Variants in RALYL observed in about 807,000 individuals in gnomAD.
RALYL encodes the protein RNA-binding Raly-like protein.
RALYL carries 29 observed loss-of-function variants against 35.1 expected under a neutral mutation model. The observed-to-expected ratio is 0.83, with a 90% CI of 0.61 to 1.13. The LOEUF (loss-of-function observed/expected upper bound fraction) is 1.13, where lower values mean the gene tolerates loss of function less well. Among genes scored for constraint, RALYL ranks in the 50% most tolerant of loss-of-function variants. The probability of loss-of-function intolerance (pLI) is 0.00; values close to 1 mark genes in which losing one functional copy is unlikely to be tolerated. For synonymous variants in RALYL, 120 were observed against 127.6 expected (o/e 0.94, Z 0.40); for missense variants, 359 against 360.4 (o/e 1.00, Z 0.03).
chr8:84,443,473 G>A lies in RALYL; in HGVS notation c.-23-85826G>A, dbSNP rs75606296. On this transcript the variant is annotated intron_variant, in intron 1 of 8. Transcript: ENST00000521268. ...TTATCAGCGAGCATTAGAGCTGATTGGATGCCTTGTCATGCAAATATGAAC... is the reference window on the plus strand; with the variant it reads ...TTATCAGCGAGCATTAGAGCTGATTAGATGCCTTGTCATGCAAATATGAAC... 3.2e-3 allele frequency among the ~76,000 whole-genome samples: 486 copies of A among 152,234 alleles called. 3 individuals are homozygous for A. The highest frequency in any genetic ancestry group is 0.011 in the African/African-American group (459 of 41,556).
At chr8:84,332,241 C>G (rs1027485877) in intron 1 of RALYL, among the ~76,000 whole-genome samples, 1 of 152,036 alleles carries the variant, frequency 6.6e-6, no homozygotes, top group African/African-American at 2.4e-5. Flanking sequence ...CTTCTTTCAG[C>G]CTTATTGGTC....
chr8:84,879,446 A>G (rs1046750101), intron 7 of RALYL, among the ~76,000 whole-genome samples: 6 of 152,164 alleles, frequency 3.9e-5, no homozygotes, highest in African/African-American at 1.4e-4. Flanking sequence ...AAAACTGAAA[A>G]TTTATTAAAT....
intron 1 of RALYL, among the ~76,000 whole-genome samples, chr8:84,190,966 G>A (rs1408920482): frequency 6.6e-6 from 1 of 151,838 alleles, no homozygotes; most frequent in African/African-American, 2.4e-5. Flanking sequence ...TATGTGGGGT[G>A]TGTGTGTGTG....
chr8:84,305,912 G>A (rs879195448), intron 1 of RALYL, among the ~76,000 whole-genome samples: 1 of 152,124 alleles, frequency 6.6e-6, no homozygotes, highest in Non-Finnish European at 1.5e-5. Context: ...GTCCTAAGAG[G>A]CAGAGAGACT....
intron 4 of RALYL, among the ~76,000 whole-genome samples, chr8:84,812,563 A>G (rs929599938): frequency 2.0e-5 from 3 of 152,108 alleles, no homozygotes; most frequent in Non-Finnish European, 2.9e-5. Flanking sequence ...GGGCAGGGCT[A>G]GGCATGTCCG....
intron 1 of RALYL, among the ~76,000 whole-genome samples, chr8:84,259,650 T>C (rs1011395314): frequency 1.3e-5 from 2 of 152,190 alleles, no homozygotes; most frequent in African/African-American, 4.8e-5. Flanking sequence ...TAATATGTTT[T>C]TCCTGATTAT....
At chr8:84,649,519 A>G in intron 2 of RALYL, among the ~76,000 whole-genome samples, 1 of 151,702 alleles carries the variant, frequency 6.6e-6, no homozygotes, top group Admixed American at 6.6e-5. Context: ...TTTTCCCAGC[A>G]CCATTTATTA....
At chr8:84,632,063 T>C (rs1194888206) in intron 2 of RALYL, among the ~76,000 whole-genome samples, 1 of 151,760 alleles carries the variant, frequency 6.6e-6, no homozygotes, top group Admixed American at 6.6e-5. Context: ...AGTGATTAGG[T>C]TATGAGGCTG....
intron 2 of RALYL, among the ~76,000 whole-genome samples, chr8:84,680,241 G>A (rs1016744285): frequency 7.3e-4 from 111 of 152,204 alleles, no homozygotes; most frequent in African/African-American, 2.6e-3. Flanking sequence ...TCTTAACCCA[G>A]TCTATCATTG....
chr8:84,589,002 A>G (rs1812616633), intron 2 of RALYL, among the ~76,000 whole-genome samples: 1 of 151,828 alleles, frequency 6.6e-6, no homozygotes, highest in African/African-American at 2.4e-5. Context: ...GGTTCTAGCG[A>G]TTCTCCTGCC....
rs139470998 is a variant in RALYL, at chr8:84,736,496, A to G, written c.257-38083A>G. On this transcript the variant is annotated intron_variant, in intron 2 of 8. Coordinates refer to ENST00000521268, the MANE Select transcript of RALYL (RefSeq NM_173848.7). The stretch of plus-strand genomic sequence containing the variant: ...TCATGAGAGAGGTGCAATATAAGCT[A>G]CACATGCAAAATATGTAAAAATAGC... 4.0e-3 allele frequency among the ~76,000 whole-genome samples: 612 copies of G among 152,188 alleles called. 8 individuals are homozygous for G. Among genetic ancestry groups the G allele is most frequent in the South Asian group, 0.028 (137 of 4,820 alleles).
intron 1 of RALYL, among the ~76,000 whole-genome samples, chr8:84,292,519 G>C (rs1164259465): frequency 6.6e-6 from 1 of 152,200 alleles, no homozygotes; most frequent in African/African-American, 2.4e-5. Flanking sequence ...GATGGTTAAG[G>C]TATTCTAAGT....
intron 6 of RALYL, chr8:84,864,703 C>A: frequency 1.9e-6 from 1 of 540,094 alleles, no homozygotes; most frequent in Non-Finnish European, 3.6e-6. Flanking sequence ...GCTATAGGTG[C>A]AACCCCAGTA....
At chr8:84,842,935 T>C (rs1833762109) in intron 4 of RALYL, among the ~76,000 whole-genome samples, 2 of 152,112 alleles carry the variant, frequency 1.3e-5, no homozygotes, top group Non-Finnish European at 2.9e-5. Flanking sequence ...TGCTAAAAAT[T>C]CTCAATAAAT....
intron 1 of RALYL, among the ~76,000 whole-genome samples, chr8:84,389,407 G>A (rs1181287962): frequency 6.6e-6 from 1 of 151,858 alleles, no homozygotes; most frequent in East Asian, 1.9e-4. Flanking sequence ...GATGGATATG[G>A]CATTAAATCT....
chr8:84,865,362 G>A (rs1256607125), intron 6 of RALYL, among the ~76,000 whole-genome samples: 1 of 152,058 alleles, frequency 6.6e-6, no homozygotes, highest in Non-Finnish European at 1.5e-5. Context: ...TTCAGAAGAG[G>A]AAATTAATGT....
chr8:84,820,052 TGAGA>T lies in RALYL; in HGVS notation c.365+15259_365+15262del, dbSNP rs775509731. Among the ~76,000 whole-genome samples, 11 of 151,926 alleles carry T rather than the reference TGAGA, an allele frequency of 7.2e-5. No homozygotes were observed. In the South Asian group the frequency reaches 2.3e-3, roughly 32 times the overall value. Reference sequence around the variant, plus strand: ...TTTAAAAAATCAATCTATTAGAGAGTGAGAGAGAGAGAACCTGTTCAATCATTAA... The same window carrying T: ...TTTAAAAAATCAATCTATTAGAGAGTGAGAGAGAACCTGTTCAATCATTAA... On this transcript the variant is annotated intron_variant, in intron 4 of 8. Transcript: ENST00000521268.
At chr8:84,736,818 T>G (rs1847396032) in intron 2 of RALYL, among the ~76,000 whole-genome samples, 1 of 152,094 alleles carries the variant, frequency 6.6e-6, no homozygotes, top group African/African-American at 2.4e-5. Context: ...ATCATTGTTC[T>G]TATTGTTATC....
chr8:84,306,789 T>C (rs1461912621), intron 1 of RALYL, among the ~76,000 whole-genome samples: 1 of 152,212 alleles, frequency 6.6e-6, no homozygotes, highest in Non-Finnish European at 1.5e-5. Flanking sequence ...TAATTTATTC[T>C]ACAAAGGCAG....
Sources: gnomAD v4.1 joint callset for allele counts (sites outside exome capture counted in the v4.1 genomes callset) on GRCh38, gnomAD v4.1.1 for gene constraint, MANE v1.5 for transcripts, NCBI Gene and HGNC (gene_info 2026-07-23, HGNC 2026-07-21) for gene names.